EPSTI1: variants seen among roughly 807,000 people sequenced by gnomAD.
The protein encoded by EPSTI1 is epithelial stromal interaction 1.
EPSTI1 carries 66 observed loss-of-function variants against 49.9 expected under a neutral mutation model. The ratio of observed to expected loss-of-function variants is 1.32; its 90% CI spans 1.08 to 1.62. The LOEUF is 1.62. Among genes scored for constraint, EPSTI1 ranks in the 40% most tolerant of loss-of-function variants. The probability of loss-of-function intolerance (pLI) is 0.00; values close to 1 mark genes in which losing one functional copy is unlikely to be tolerated. For missense variants in EPSTI1, 394 were observed against 365.5 expected, an observed-to-expected ratio of 1.08 and a Z score of -0.64; for synonymous variants, 137 against 130.7, an observed-to-expected ratio of 1.05 and a Z score of -0.33.
chr13:42,978,490 A>C (rs988633486), intron 1 of EPSTI1, among the ~76,000 whole-genome samples: 1 of 152,198 alleles, frequency 6.6e-6, no homozygotes, highest in Non-Finnish European at 1.5e-5. Flanking sequence ...CAGAGGGCTG[A>C]CTTTGAATAG....
At chr13:42,953,263 A>C (rs532161151) in intron 6 of EPSTI1, among the ~76,000 whole-genome samples, 2 of 152,298 alleles carry the variant, frequency 1.3e-5, no homozygotes, top group African/African-American at 4.8e-5. Flanking sequence ...AAAAAAAAAA[A>C]AAAACACTGA....
intron 6 of EPSTI1, among the ~76,000 whole-genome samples, chr13:42,931,583 T>C (rs2038376141): frequency 6.6e-6 from 1 of 152,246 alleles, no homozygotes; most frequent in Non-Finnish European, 1.5e-5. Context: ...ACAAGAAAGA[T>C]ATAAACTTCT....
At chr13:42,970,518 A>G in intron 2 of EPSTI1, 94 bp downstream of exon 2, 6 of 1,146,532 alleles carry the variant, frequency 5.2e-6, no homozygotes, top group South Asian at 3.1e-5. Flanking sequence ...TGGTGAGTCT[A>G]TATAAATGAG....
Position 42,954,012 on chromosome 13 carries a change from GT to G in EPSTI1, c.498del (p.Lys166AsnfsTer29), listed in dbSNP as rs1467686111. ...MKAIQREKSN[K>X]LEEKKRLQEN... Reference sequence around the variant, plus strand: ...TCTTGAAGTCTTTTTTTCTCCTCCAGTTTATTGCTCTGAAATTGCAAATATC... The same window carrying G: ...TCTTGAAGTCTTTTTTTCTCCTCCAGTTATTGCTCTGAAATTGCAAATATC... On this transcript the variant is annotated frameshift_variant, in exon 6 of 11. Coordinates refer to ENST00000313624, the MANE Select transcript of EPSTI1 (RefSeq NM_033255.5). LOFTEE classifies it high-confidence loss of function. 1 of 1,611,260 alleles carries G rather than the reference GT, an allele frequency of 6.2e-7. No homozygotes were observed.
chr13:42,908,863 A>T (rs2037578451), intron 8 of EPSTI1, among the ~76,000 whole-genome samples: 1 of 151,452 alleles, frequency 6.6e-6, no homozygotes, highest in South Asian at 2.1e-4. Flanking sequence ...CAGGTGGATC[A>T]CCTGAGGTCA....
chr13:42,914,269 G>A (rs1175286500), intron 8 of EPSTI1, among the ~76,000 whole-genome samples: 1 of 152,094 alleles, frequency 6.6e-6, no homozygotes, highest in Admixed American at 6.5e-5. Flanking sequence ...TAAACTTCTG[G>A]AGAGCTGGAA....
At chr13:42,953,241 C>T (rs2039155329) in intron 6 of EPSTI1, among the ~76,000 whole-genome samples, 1 of 100,478 alleles carries the variant, frequency 1.0e-5, no homozygotes, top group Non-Finnish European at 2.0e-5. Context: ...TAGATATTAT[C>T]TGTATTTAAG....
At chr13:42,982,236 T>C (rs567242929) in intron 1 of EPSTI1, among the ~76,000 whole-genome samples, 4 of 152,268 alleles carry the variant, frequency 2.6e-5, no homozygotes, top group Non-Finnish European at 5.9e-5. Flanking sequence ...GAGAGTGACC[T>C]CTGGTTTTCC....
chr13:42,963,986 C>T (rs894564021), intron 4 of EPSTI1, 80 bp downstream of exon 4: 7 of 1,244,108 alleles, frequency 5.6e-6, no homozygotes, highest in Non-Finnish European at 7.9e-6. Context: ...GGTAAAGTTA[C>T]TGTGTTATTT....
chr13:42,932,212 C>T (rs1409665302), intron 6 of EPSTI1, among the ~76,000 whole-genome samples: 1 of 152,124 alleles, frequency 6.6e-6, no homozygotes, highest in Admixed American at 6.5e-5. Context: ...GGATTACAGG[C>T]ACGAGCCACT....
chr13:42,981,282 T>C (rs2039982445), intron 1 of EPSTI1, among the ~76,000 whole-genome samples: 1 of 152,220 alleles, frequency 6.6e-6, no homozygotes, highest in South Asian at 2.1e-4. Flanking sequence ...ATAGATGCAA[T>C]TAACCTTAAT....
intron 8 of EPSTI1, among the ~76,000 whole-genome samples, chr13:42,914,174 C>G (rs1306544359): frequency 1.3e-5 from 2 of 152,170 alleles, no homozygotes; most frequent in East Asian, 1.9e-4. Context: ...CAGATTACTA[C>G]AAGGTGATGA....
chr13:42,986,956 C>T (rs922020339), intron 1 of EPSTI1, among the ~76,000 whole-genome samples: 2 of 152,054 alleles, frequency 1.3e-5, no homozygotes, highest in Non-Finnish European at 2.9e-5. Flanking sequence ...TATGGAAACT[C>T]TTCACACCCC....
In EPSTI1 at chr13:42,936,149, T is replaced by A. The variant is rs143941192; in HGVS notation, c.564-9720A>T. 3.2e-3 allele frequency among the ~76,000 whole-genome samples: 490 copies of A among 152,330 alleles called. 2 individuals are homozygous for A. Among genetic ancestry groups the A allele is most frequent in the African/African-American group, 0.011 (467 of 41,586 alleles). ...TTATGTATACTCAGGAACTTATTCA[T>A]ATATTCTTTCTCAAGTTTATTTCTT... is the stretch of plus-strand genomic sequence containing the variant. On this transcript the variant is annotated intron_variant, in intron 6 of 10. Coordinates refer to ENST00000313624, the MANE Select transcript of EPSTI1 (RefSeq NM_033255.5).
At chr13:42,944,615 C>T (rs955505418) in intron 6 of EPSTI1, among the ~76,000 whole-genome samples, 3 of 152,076 alleles carry the variant, frequency 2.0e-5, no homozygotes, top group Admixed American at 2.0e-4. Flanking sequence ...ACGTGTATAC[C>T]TATGTAACAA....
At chr13:42,952,833 T>G (rs1196277223) in intron 6 of EPSTI1, among the ~76,000 whole-genome samples, 1 of 152,186 alleles carries the variant, frequency 6.6e-6, no homozygotes, top group Non-Finnish European at 1.5e-5. Flanking sequence ...CATTCCTGCC[T>G]CTGAATCTTA....
chr13:42,902,431 C>A (rs1478609992), intron 8 of EPSTI1, among the ~76,000 whole-genome samples: 1 of 152,182 alleles, frequency 6.6e-6, no homozygotes, highest in Non-Finnish European at 1.5e-5. Flanking sequence ...TCCACTAAAT[C>A]AGTTACCACT....
chr13:42,990,215 T>G (rs1258686176), intron 1 of EPSTI1, among the ~76,000 whole-genome samples: 1 of 150,368 alleles, frequency 6.7e-6, no homozygotes, highest in Non-Finnish European at 1.5e-5. Context: ...GAGAGATAAC[T>G]AAACACTTCC....
chr13:42,892,365 G>C (rs1374164540), intron 10 of EPSTI1, among the ~76,000 whole-genome samples: 1 of 152,208 alleles, frequency 6.6e-6, no homozygotes, highest in East Asian at 1.9e-4. Context: ...ACTACTGCAA[G>C]CATCTGGATG....
Sources: gnomAD v4.1 joint callset for allele counts (sites outside exome capture counted in the v4.1 genomes callset) on GRCh38, gnomAD v4.1.1 for gene constraint, MANE v1.5 for transcripts, NCBI Gene and HGNC (gene_info 2026-07-23, HGNC 2026-07-21) for gene names.